The following SH3D19 variants were observed in gnomAD, a reference collection of about 807,000 sequenced individuals.
SH3D19 encodes SH3 domain-containing protein 19.
A neutral mutation model predicts 112.1 loss-of-function variants in SH3D19; 58 were observed. The observed-to-expected ratio is 0.52, with a 90% CI of 0.42 to 0.64. The LOEUF is 0.64. SH3D19 is among the 30% of genes least tolerant of loss of function. The pLI, the probability that SH3D19 is intolerant of heterozygous loss-of-function variation, is 0.00. For missense variants in SH3D19, 1,090 were observed against 1,263.4 expected, an observed-to-expected ratio of 0.86 and a Z score of 2.08; for synonymous variants, 391 against 448.5, an observed-to-expected ratio of 0.87 and a Z score of 1.62.
rs66688611 is a variant in SH3D19, at chr4:151,125,845, C to CAAAAAAAAAAAAAAAA, written c.3027+1757_3027+1772dup. 3.2e-5 allele frequency among the ~76,000 whole-genome samples: 3 copies of CAAAAAAAAAAAAAAAA among 94,238 alleles called. 1 individual carries two copies. Among genetic ancestry groups the CAAAAAAAAAAAAAAAA allele is most frequent in the Non-Finnish European group, 4.2e-5 (2 of 47,216 alleles). 61.8% of individuals were successfully genotyped at this position (94,238 alleles called of 152,430 possible). ...ACAGAGCGAGACTCCATCTCAAAAA[C>CAAAAAAAAAAAAAAAA]AAAAAAAAAAAAAAAAAAAAAGAAA... On this transcript the variant is annotated intron_variant, in intron 19 of 19. Coordinates refer to ENST00000604030, the MANE Select transcript of SH3D19 (RefSeq NM_001378122.1).
chr4:151,245,226 A>G (rs1021268622), intron 1 of SH3D19, among the ~76,000 whole-genome samples: 1 of 152,144 alleles, frequency 6.6e-6, no homozygotes, highest in Non-Finnish European at 1.5e-5. Flanking sequence ...TCTGAGTTAA[A>G]GCCTTTAAAA....
chr4:151,193,574 G>A (rs1338283096), intron 2 of SH3D19, among the ~76,000 whole-genome samples: 5 of 152,110 alleles, frequency 3.3e-5, no homozygotes, highest in South Asian at 2.1e-4. Flanking sequence ...CTGGTATGCC[G>A]CTAAATTTGA....
chr4:151,318,157 C>T (rs1055839490), intron 1 of SH3D19, among the ~76,000 whole-genome samples: 13 of 150,746 alleles, frequency 8.6e-5, no homozygotes, highest in African/African-American at 2.4e-4. Flanking sequence ...AAAAATTAGC[C>T]GGGCATGGTG....
chr4:151,140,429 G>T (rs1022898711), intron 12 of SH3D19: 3 of 152,244 alleles, frequency 2.0e-5, no homozygotes, highest in African/African-American at 7.2e-5. Flanking sequence ...TGCCTGGTCT[G>T]CATTTTGTAT....
At chr4:151,229,872 G>T (rs1000122723) in intron 1 of SH3D19, among the ~76,000 whole-genome samples, 1 of 152,164 alleles carries the variant, frequency 6.6e-6, no homozygotes, top group African/African-American at 2.4e-5. Context: ...CCAAAATCAC[G>T]CCACTGCATT....
intron 2 of SH3D19, among the ~76,000 whole-genome samples, chr4:151,212,306 C>G (rs923597077): frequency 6.6e-6 from 1 of 152,064 alleles, no homozygotes; most frequent in Non-Finnish European, 1.5e-5. Context: ...GCCAACACAC[C>G]TGGCTAATTT....
chr4:151,133,146 C>A lies in SH3D19; in HGVS notation c.2577G>T (p.Glu859Asp). The change falls in exon 16 of 20, where the codon GAG (glutamate) becomes GAT (aspartate). Residue 859 changes from glutamate (E) to aspartate (D), a missense_variant. Glu to Asp is a conservative substitution (Grantham distance 45, BLOSUM62 2). Transcript: ENST00000604030. ...CTCTGGCCCATTCCTCATTCACATA[C>A]TCTTTAAGAATAATAATTTCTCCCT... is the stretch of plus-strand genomic sequence containing the variant. ...FSEGEIIILK[E>D]YVNEEWARGE... 1 of 1,614,176 alleles carries A rather than the reference C, an allele frequency of 6.2e-7. No homozygotes were observed. The highest frequency in any genetic ancestry group is 8.5e-7 in the Non-Finnish European group (1 of 1,179,998).
intron 2 of SH3D19, among the ~76,000 whole-genome samples, chr4:151,199,344 G>A (rs1341949071): frequency 1.3e-5 from 2 of 152,142 alleles, no homozygotes; most frequent in Non-Finnish European, 2.9e-5. Context: ...GATTCACAGA[G>A]AGGAAATGTG....
rs189305784 is a variant in SH3D19, at chr4:151,190,066, C to T, written c.153-2603G>A. ...TTGTTGGGAACTTGAGCAAAGGTGA[C>T]TCTTGTTATGTTTTAGCAAAGAGAC... On this transcript the variant is annotated intron_variant, in intron 2 of 19. Transcript: ENST00000604030. Among the ~76,000 whole-genome samples, 9 of 152,282 alleles carry T rather than the reference C, an allele frequency of 5.9e-5. No homozygotes were observed. In the East Asian group the frequency reaches 1.7e-3, roughly 29 times the overall value.
At chr4:151,247,343 T>G (rs895644522) in intron 1 of SH3D19, among the ~76,000 whole-genome samples, 23 of 152,224 alleles carry the variant, frequency 1.5e-4, no homozygotes, top group African/African-American at 5.3e-4. Flanking sequence ...CTTAAAAGTT[T>G]GGTAGAATTT....
At chr4:151,157,125 G>A (rs936706448) in intron 9 of SH3D19, among the ~76,000 whole-genome samples, 7 of 152,168 alleles carry the variant, frequency 4.6e-5, no homozygotes, top group Admixed American at 1.3e-4. Context: ...GGTGGCATGC[G>A]CCTATAGTTC....
chr4:151,189,646 G>C (rs1762329218), intron 2 of SH3D19, among the ~76,000 whole-genome samples: 1 of 152,292 alleles, frequency 6.6e-6, no homozygotes, highest in Admixed American at 6.5e-5. Flanking sequence ...TCTCTTGTCT[G>C]CCGCCTTGTG....
intron 9 of SH3D19, among the ~76,000 whole-genome samples, chr4:151,156,043 A>G (rs189920014): frequency 4.6e-5 from 7 of 152,342 alleles, no homozygotes; most frequent in African/African-American, 1.7e-4. Flanking sequence ...CTAGCTAAAA[A>G]AAGAAATTGA....
chr4:151,226,185 G>C (rs984715867), intron 1 of SH3D19, 99 bp from the exon 2 acceptor site: 9 of 1,229,380 alleles, frequency 7.3e-6, no homozygotes, highest in East Asian at 3.2e-5. Flanking sequence ...TTTCACAAAG[G>C]ACTGTTCAAA....
chr4:151,223,245 T>A (rs1013997143), intron 2 of SH3D19, among the ~76,000 whole-genome samples: 1 of 152,092 alleles, frequency 6.6e-6, no homozygotes, highest in Non-Finnish European at 1.5e-5. Context: ...CCCAACAACT[T>A]TTTACAGAAG....
At chr4:151,320,449 A>G (rs529977790) in intron 1 of SH3D19, among the ~76,000 whole-genome samples, 1 of 152,326 alleles carries the variant, frequency 6.6e-6, no homozygotes, top group South Asian at 2.1e-4. Context: ...ATATAGGAGA[A>G]TATTTTCATG....
intron 6 of SH3D19, among the ~76,000 whole-genome samples, 191 bp downstream of exon 6, chr4:151,176,343 A>C (rs1759960693): frequency 6.6e-6 from 1 of 152,230 alleles, no homozygotes; most frequent in African/African-American, 2.4e-5. Flanking sequence ...TTGGGGCTGC[A>C]GTTTGTAAGA....
intron 2 of SH3D19, among the ~76,000 whole-genome samples, chr4:151,210,311 A>G (rs959181249): frequency 2.6e-5 from 4 of 152,102 alleles, no homozygotes; most frequent in African/African-American, 9.7e-5. Context: ...AGTTTGGTAT[A>G]CTACATGATG....
chr4:151,251,385 G>C (rs976949002), intron 1 of SH3D19, among the ~76,000 whole-genome samples: 1 of 151,752 alleles, frequency 6.6e-6, no homozygotes, highest in Non-Finnish European at 1.5e-5. Flanking sequence ...TTTTAGTAGA[G>C]GCAGGGGTTT....
Sources: gnomAD v4.1 joint callset for allele counts (sites outside exome capture counted in the v4.1 genomes callset) on GRCh38, gnomAD v4.1.1 for gene constraint, MANE v1.5 for transcripts, NCBI Gene and HGNC (gene_info 2026-07-23, HGNC 2026-07-21) for gene names.